Variants in ARHGAP32 observed in about 807,000 individuals in gnomAD.
ARHGAP32 encodes the protein Rho GTPase activating protein 32, also known as rho GTPase-activating protein 32.
Under a neutral mutation model 186.5 loss-of-function variants are expected in ARHGAP32, and 51 were observed. The ratio of observed to expected loss-of-function variants is 0.27; its 90% CI spans 0.22 to 0.35. The LOEUF is 0.35. ARHGAP32 is among the 10% of genes least tolerant of loss of function. ARHGAP32 has a pLI of 1.00. For missense variants in ARHGAP32, 2,186 were observed against 2,623.5 expected (o/e 0.83, Z 3.64); for synonymous variants, 950 against 964.3 (o/e 0.99, Z 0.27).
At chr11:129,043,370 TTTC>T (rs202097641) in intron 10 of ARHGAP32, among the ~76,000 whole-genome samples, 23,649 of 138,010 alleles carry the variant, frequency 0.17, 2,066 homozygotes, top group Non-Finnish European at 0.2. Context: ...TCTATGCAAA[TTTC>T]TTTTTTTCTT....
intron 11 of ARHGAP32, among the ~76,000 whole-genome samples, chr11:129,000,182 G>T (rs1330066056): frequency 6.6e-6 from 1 of 152,038 alleles, no homozygotes; most frequent in Non-Finnish European, 1.5e-5. Context: ...AATATACTAA[G>T]TACATCATCT....
At chr11:129,250,555 T>G (rs1945167953) in intron 1 of ARHGAP32, among the ~76,000 whole-genome samples, 1 of 152,218 alleles carries the variant, frequency 6.6e-6, no homozygotes, top group South Asian at 2.1e-4. Context: ...TAAACCATAC[T>G]TTGAAAACCA....
chr11:129,104,183 A>G (rs1449324862), intron 5 of ARHGAP32, among the ~76,000 whole-genome samples: 3 of 152,150 alleles, frequency 2.0e-5, no homozygotes, highest in Non-Finnish European at 4.4e-5. Flanking sequence ...TTTCTAAAAT[A>G]TGTACCTCAG....
At position 129,111,154 on chromosome 11, in the gene ARHGAP32, AT is replaced by A. The variant is rs576533567; in HGVS notation, c.444+12291del. Reference sequence around the variant, plus strand: ...TCATGAAGGATTGTTGAATCTCTCAATTTTTTTCTGTGTCTTTGAGAGGAAA... The same window carrying A: ...TCATGAAGGATTGTTGAATCTCTCAATTTTTTCTGTGTCTTTGAGAGGAAA... On this transcript the variant is annotated intron_variant, in intron 5 of 22. Coordinates refer to ENST00000682385, the MANE Select transcript of ARHGAP32 (RefSeq NM_001378024.1). 2.0e-3 allele frequency among the ~76,000 whole-genome samples: 297 copies of A among 151,964 alleles called. 1 individual carries two copies. Among genetic ancestry groups the A allele is most frequent in the Admixed American group, 5.2e-3 (80 of 15,272 alleles).
At chr11:129,258,140 G>C (rs1442031675) in intron 1 of ARHGAP32, among the ~76,000 whole-genome samples, 1 of 152,108 alleles carries the variant, frequency 6.6e-6, no homozygotes, top group Non-Finnish European at 1.5e-5. Flanking sequence ...ATAGCACTTT[G>C]TCAAATATAT....
At position 129,123,659 on chromosome 11, in the gene ARHGAP32, C is replaced by A. The variant is rs1942587740; in HGVS notation, c.360-129G>T. On this transcript the variant is annotated intron_variant, in intron 4 of 22. Transcript: ENST00000682385. The surrounding 1 kb of genome is among the most constrained non-coding windows in gnomAD (Gnocchi z 4.6). ...ATTTCGTAAGCACATGCGCATGAGC[C>A]ACACATATCCGCACAAATCCTCTTA... 1.2e-6 allele frequency: 1 copy of A among 816,172 alleles called. No individual in the cohort carries two copies. Among genetic ancestry groups the A allele is most frequent in the Non-Finnish European group, 2.0e-6 (1 of 503,396 alleles). 50.6% of individuals were successfully genotyped at this position (816,172 alleles called of 1,614,324 possible).
chr11:129,222,899 C>G (rs979153842), intron 1 of ARHGAP32, among the ~76,000 whole-genome samples: 5 of 152,134 alleles, frequency 3.3e-5, no homozygotes, highest in Non-Finnish European at 7.4e-5. Flanking sequence ...AAGGATATTG[C>G]AGTATCCCCT....
intron 1 of ARHGAP32, among the ~76,000 whole-genome samples, chr11:129,176,912 C>A (rs1290167867): frequency 6.6e-6 from 1 of 151,972 alleles, no homozygotes; most frequent in Non-Finnish European, 1.5e-5. Flanking sequence ...CAAAAGCTGG[C>A]AGAAGGCAAG....
Position 128,972,797 on chromosome 11 carries a change from T to C in ARHGAP32, c.3709A>G (p.Lys1237Glu), listed in dbSNP as rs758463264. The C allele has an allele frequency of 2.2e-5, 35 of 1,613,978 alleles. No individual in the cohort carries two copies. The highest frequency in any genetic ancestry group is 2.9e-5 in the Non-Finnish European group (34 of 1,179,992). ...PPSYLGASVD[K>E]LHHPLEFADK... ...GCAAATTCTAAAGGGTGATGGAGTT[T>C]ATCCACACTTGCACCAAGATAAGAA... The change falls in exon 22 of 23, where the codon AAA becomes GAA. Residue 1237 changes from lysine to glutamate, a missense_variant. Coordinates refer to ENST00000682385, the MANE Select transcript of ARHGAP32 (RefSeq NM_001378024.1).
chr11:129,011,466 A>G (rs1938075626), intron 11 of ARHGAP32, among the ~76,000 whole-genome samples: 1 of 152,338 alleles, frequency 6.6e-6, no homozygotes, highest in South Asian at 2.1e-4. Flanking sequence ...TGCATTAAAC[A>G]GAGAGTTAAG....
intron 5 of ARHGAP32, among the ~76,000 whole-genome samples, chr11:129,099,677 A>G (rs1941834503): frequency 6.6e-6 from 1 of 152,202 alleles, no homozygotes; most frequent in South Asian, 2.1e-4. Flanking sequence ...ACACTAAACC[A>G]AAAAGTTTAG....
chr11:128,981,490 A>G lies in ARHGAP32; in HGVS notation c.1706T>C (p.Val569Ala). ...AACGTGATTCAGGATGAACTCAACA[A>G]CCACAGACTGAATCCTCACTTCCAT... Reference protein sequence around the residue: ...AFMEVRIQSVVVEFILNHVDV... With the variant: ...AFMEVRIQSVAVEFILNHVDV... Residue 569 changes from valine (V) to alanine (A), a missense_variant, in exon 17 of 23, where the codon GTT (valine) becomes GCT (alanine). Val to Ala is a moderately conservative substitution (Grantham distance 64, BLOSUM62 0). Transcript: ENST00000682385. 1 of 1,614,106 alleles carries G rather than the reference A, an allele frequency of 6.2e-7. No homozygotes were observed. The highest frequency in any genetic ancestry group is 8.5e-7 in the Non-Finnish European group (1 of 1,179,968).
intron 11 of ARHGAP32, among the ~76,000 whole-genome samples, chr11:129,003,634 T>C (rs1937625445): frequency 6.6e-6 from 1 of 152,162 alleles, no homozygotes; most frequent in Non-Finnish European, 1.5e-5. Flanking sequence ...TCTAGGAGTT[T>C]ATCCACTTAT....
chr11:128,980,309 A>G (rs1234151066), intron 18 of ARHGAP32, among the ~76,000 whole-genome samples: 1 of 152,106 alleles, frequency 6.6e-6, no homozygotes, highest in East Asian at 1.9e-4. Flanking sequence ...TTTCCAAACA[A>G]TTTTCCCTAT....
At chr11:129,191,881 A>G (rs1467206007) in intron 1 of ARHGAP32, among the ~76,000 whole-genome samples, 1 of 152,154 alleles carries the variant, frequency 6.6e-6, no homozygotes, top group Non-Finnish European at 1.5e-5. Context: ...CAAGTCCTTT[A>G]AAATGCATTT....
intron 2 of ARHGAP32, among the ~76,000 whole-genome samples, chr11:129,155,346 T>C (rs1943377119): frequency 6.6e-6 from 1 of 152,234 alleles, no homozygotes; most frequent in Non-Finnish European, 1.5e-5. Context: ...ACTTTGAGTG[T>C]CATACTTTTA....
At chr11:129,158,438 T>A (rs1815126303) in intron 2 of ARHGAP32, among the ~76,000 whole-genome samples, 1 of 144,994 alleles carries the variant, frequency 6.9e-6, no homozygotes, top group Non-Finnish European at 1.5e-5. Context: ...TAGTCTCTGA[T>A]AAAACAGACT....
intron 2 of ARHGAP32, among the ~76,000 whole-genome samples, chr11:129,125,191 C>A (rs532409524): frequency 6.6e-6 from 1 of 151,552 alleles, no homozygotes; most frequent in Non-Finnish European, 1.5e-5. Context: ...TAAAATTTCC[C>A]CTGGAAGTTG....
At chr11:129,213,857 T>C (rs1944612039) in intron 1 of ARHGAP32, among the ~76,000 whole-genome samples, 1 of 144,700 alleles carries the variant, frequency 6.9e-6, no homozygotes, top group East Asian at 2.0e-4. Context: ...GAAAGGAGAA[T>C]AAATAGTTTT....
Sources: allele counts gnomAD v4.1 joint callset (sites outside exome capture counted in the v4.1 genomes callset), GRCh38; gene constraint gnomAD v4.1.1; non-coding constraint Gnocchi (gnomAD v3.1); transcripts MANE v1.5; gene names NCBI Gene and HGNC (gene_info 2026-07-23, HGNC 2026-07-21).